The following MED15 variants were observed in gnomAD, a reference collection of about 807,000 sequenced individuals.
MED15 encodes mediator of RNA polymerase II transcription subunit 15.
In MED15, 41 loss-of-function variants were observed where a neutral mutation model predicts 118.7. The observed-to-expected ratio is 0.35, with a 90% CI of 0.27 to 0.45. The LOEUF is 0.45. Among genes scored for constraint, MED15 ranks in the 20% least tolerant of loss-of-function variants. The probability of loss-of-function intolerance (pLI) is 1.00; values close to 1 mark genes in which losing one functional copy is unlikely to be tolerated. For synonymous variants in MED15, 436 were observed against 413.9 expected, an observed-to-expected ratio of 1.05 and a Z score of -0.65; for missense variants, 740 against 1,025.5, an observed-to-expected ratio of 0.72 and a Z score of 3.80.
chr22:20,568,518 A>G lies in MED15; in HGVS notation c.1042-3A>G, dbSNP rs752815505. 2.5e-6 allele frequency: 4 copies of G among 1,613,394 alleles called. No homozygotes were observed. Among genetic ancestry groups the G allele is most frequent in the Non-Finnish European group, 3.4e-6 (4 of 1,179,890 alleles). ...AAATCACATTCTCTCTTTCTCCCTC[A>G]AGGTCCGAGCTCCGATGGTGGTGCA... On this transcript the variant is annotated splice_region_variant and splice_polypyrimidine_tract_variant and intron_variant, in intron 7 of 17. Transcript: ENST00000263205.
intron 2 of MED15, among the ~76,000 whole-genome samples, chr22:20,548,788 A>G (rs1479606761): frequency 1.3e-5 from 2 of 152,128 alleles, no homozygotes; most frequent in Non-Finnish European, 1.5e-5. Flanking sequence ...CCACATGTCA[A>G]GCAAGTGTGG....
intron 1 of MED15, among the ~76,000 whole-genome samples, chr22:20,519,782 A>G (rs1012327887): frequency 3.9e-5 from 6 of 152,046 alleles, no homozygotes; most frequent in Admixed American, 3.9e-4. Context: ...GAATATTTCA[A>G]ATGTACAGAG....
At chr22:20,527,566 C>G (rs1413943420) in intron 1 of MED15, among the ~76,000 whole-genome samples, 2 of 151,916 alleles carry the variant, frequency 1.3e-5, no homozygotes, top group African/African-American at 4.8e-5. Context: ...CTCAGCCTCC[C>G]AAGTAGCTGG....
intron 1 of MED15, among the ~76,000 whole-genome samples, chr22:20,512,640 G>A (rs1271154270): frequency 4.4e-5 from 6 of 137,838 alleles, no homozygotes; most frequent in African/African-American, 1.6e-4. Context: ...TGCCCAGGCT[G>A]GAGTGCAGTG....
At chr22:20,541,233 C>A (rs1390754615) in intron 2 of MED15, among the ~76,000 whole-genome samples, 1 of 151,296 alleles carries the variant, frequency 6.6e-6, no homozygotes, top group Non-Finnish European at 1.5e-5. Context: ...AGTGAGACTC[C>A]GTCTCAAAAA....
intron 1 of MED15, among the ~76,000 whole-genome samples, chr22:20,514,486 TAC>T (rs1474551002): frequency 6.6e-6 from 1 of 152,178 alleles, no homozygotes; most frequent in Non-Finnish European, 1.5e-5. Flanking sequence ...CACCCCTCTG[TAC>T]AGCAGATTGC....
chr22:20,564,476 CTGCAGCAGCAGCAGCAACAGCAGCAGT>C lies in MED15; in HGVS notation c.480_506del (p.Gln166_Gln174del), dbSNP rs780804621. 6.2e-7 allele frequency: 1 copy of C among 1,612,944 alleles called. No individual in the cohort carries two copies. The highest frequency in any genetic ancestry group is 8.5e-7 in the Non-Finnish European group (1 of 1,179,560). ...CCAGCTGCAGCTCCAGCAGGTGGCG[CTGCAGCAGCAGCAGCAACAGCAGCAGT>C]TCCAGCAGCAGCAGCAGGCGGCGCT... is the stretch of plus-strand genomic sequence containing the variant. On this transcript the variant is annotated inframe_deletion, in exon 6 of 18. Coordinates refer to ENST00000263205, the MANE Select transcript of MED15 (RefSeq NM_001003891.3).
intron 2 of MED15, among the ~76,000 whole-genome samples, chr22:20,546,254 C>T (rs998951876): frequency 6.6e-6 from 1 of 152,204 alleles, no homozygotes; most frequent in Non-Finnish European, 1.5e-5. Context: ...CCCCCTCCTT[C>T]TTATGAACTG....
chr22:20,509,024 C>T (rs1212287959), intron 1 of MED15, among the ~76,000 whole-genome samples: 4 of 151,960 alleles, frequency 2.6e-5, no homozygotes, highest in Non-Finnish European at 5.9e-5. Flanking sequence ...GAGTAGGTGA[C>T]GAATAAATTG....
At chr22:20,586,368 C>G (rs1330515814) in intron 17 of MED15, among the ~76,000 whole-genome samples, 200 bp from the exon 18 acceptor site, 1 of 152,230 alleles carries the variant, frequency 6.6e-6, no homozygotes, top group African/African-American at 2.4e-5. Flanking sequence ...AGGCAGAGCC[C>G]TAGATCCTGT....
chr22:20,576,704 T>G (rs12484676), intron 9 of MED15, among the ~76,000 whole-genome samples: 9,221 of 152,228 alleles, frequency 0.061, 657 homozygotes, highest in East Asian at 0.38. Flanking sequence ...GGGTCAGGAA[T>G]TAGGTTGTGT....
Position 20,507,617 on chromosome 22 carries a change from T to C in MED15, c.-62T>C. 1.2e-6 allele frequency: 2 copies of C among 1,606,920 alleles called. No homozygotes were observed. The highest frequency in any genetic ancestry group is 1.1e-5 in the South Asian group (1 of 90,914). ...GCTTCCGGGTTTGGGCCTGGCTCTGTGACTGAGGCGGCGGCGGTGGCGGCC... is the reference window on the plus strand; with the variant it reads ...GCTTCCGGGTTTGGGCCTGGCTCTGCGACTGAGGCGGCGGCGGTGGCGGCC... On this transcript the variant is annotated 5_prime_UTR_variant, in exon 1 of 18. Transcript: ENST00000263205.
Position 20,585,395 on chromosome 22 carries a change from C to G in MED15, c.2131+128C>G, listed in dbSNP as rs2057104913. 3.2e-6 allele frequency: 4 copies of G among 1,241,426 alleles called. No homozygotes were observed. In the South Asian group the frequency reaches 4.3e-5, roughly 13 times the overall value. 76.9% of individuals were successfully genotyped at this position (1,241,426 alleles called of 1,614,324 possible). A position where few individuals can be genotyped will look rare whatever the true frequency, so the allele number is the denominator to read the frequency against. ...CTGTGTTCACGCCCCGCCAGGCTGT[C>G]TGCTCTATCCTCACACACACCGGGC... On this transcript the variant is annotated intron_variant, in intron 16 of 17. Transcript: ENST00000263205.
intron 9 of MED15, among the ~76,000 whole-genome samples, chr22:20,578,111 G>C (rs2056876768): frequency 6.6e-6 from 1 of 152,096 alleles, no homozygotes; most frequent in Admixed American, 6.5e-5. Flanking sequence ...TTTTAGTAGA[G>C]ATGGGGTTTC....
intron 9 of MED15, 58 bp downstream of exon 9, chr22:20,575,290 C>T: frequency 6.3e-7 from 1 of 1,584,150 alleles, no homozygotes; most frequent in Non-Finnish European, 8.6e-7. Context: ...CTCTGAGCGC[C>T]TTTGTAAAGC....
At chr22:20,557,581 T>A (rs903824380) in intron 5 of MED15, among the ~76,000 whole-genome samples, 3 of 152,210 alleles carry the variant, frequency 2.0e-5, no homozygotes, top group South Asian at 2.1e-4. Context: ...ATTTTTTTTT[T>A]AATCATGAGC....
rs1014009366 is a variant in MED15 at position 20,582,942 on chromosome 22, C to G, written c.1512C>G (p.Pro504=). ...GGACCCCACAGAACTTCAGTGTCCC[C>G]TCACCTGGACCTTTAAACACACCTG... ...TARTPQNFSV[P]SPGPLNTPVN... The change falls in exon 11 of 18, where the codon CCC becomes CCG. Residue 504 remains proline (P), a synonymous_variant. Transcript: ENST00000263205. 6.2e-7 allele frequency: 1 copy of G among 1,613,634 alleles called. No homozygotes were observed. The highest frequency in any genetic ancestry group is 8.5e-7 in the Non-Finnish European group (1 of 1,179,974).
At chr22:20,571,970 G>A (rs1321497841) in intron 8 of MED15, among the ~76,000 whole-genome samples, 2 of 152,330 alleles carry the variant, frequency 1.3e-5, no homozygotes, top group African/African-American at 4.8e-5. Flanking sequence ...AATAGGGGAT[G>A]AAATGTTCTC....
At chr22:20,510,563 T>G (rs2054028895) in intron 1 of MED15, among the ~76,000 whole-genome samples, 1 of 152,234 alleles carries the variant, frequency 6.6e-6, no homozygotes, top group South Asian at 2.1e-4. Flanking sequence ...AGCCCATTTA[T>G]GCTGTTGGCC....
Sources: allele counts gnomAD v4.1 joint callset (sites outside exome capture counted in the v4.1 genomes callset), GRCh38; gene constraint gnomAD v4.1.1; transcripts MANE v1.5; gene names NCBI Gene and HGNC (gene_info 2026-07-23, HGNC 2026-07-21).